Variants in OSBPL3 observed in about 807,000 individuals in gnomAD.
OSBPL3 encodes the protein oxysterol-binding protein-related protein 3.
A neutral mutation model predicts 120.1 loss-of-function variants in OSBPL3; 65 were observed. The observed-to-expected ratio is 0.54, with a 90% CI of 0.44 to 0.67. OSBPL3 has a LOEUF of 0.67. Ranked by LOEUF, OSBPL3 falls within the 30% of genes least tolerant of loss-of-function variation. The pLI, the probability that OSBPL3 is intolerant of heterozygous loss-of-function variation, is 0.00. For missense variants in OSBPL3, 1,004 were observed against 1,082.1 expected (o/e 0.93, Z 1.01); for synonymous variants, 416 against 402.6 (o/e 1.03, Z -0.40).
rs1394415545 is a variant in OSBPL3, at chr7:24,813,682, A to C, written c.2172+1377T>G. 6.6e-6 allele frequency among the ~76,000 whole-genome samples: 1 copy of C among 152,180 alleles called. No homozygotes were observed. Among genetic ancestry groups the C allele is most frequent in the East Asian group, 1.9e-4 (1 of 5,194 alleles). On this transcript the variant is annotated intron_variant, in intron 19 of 22. Transcript: ENST00000313367. This position sits in a 1 kb window ranked among gnomAD's most constrained non-coding sequence, Gnocchi z 4.5. ...CCTATAGGTTACAGGTGGTGCAGAG[A>C]GGCATTGCATGAAGTTCCACAATAA...
chr7:24,878,768 C>T (rs1024235931), intron 2 of OSBPL3, among the ~76,000 whole-genome samples: 6 of 152,206 alleles, frequency 3.9e-5, no homozygotes, highest in African/African-American at 1.4e-4. Flanking sequence ...TGAGCTCTCA[C>T]TCAGTGCTTC....
chr7:24,920,417 T>C (rs1269939111), intron 1 of OSBPL3, among the ~76,000 whole-genome samples: 1 of 152,192 alleles, frequency 6.6e-6, no homozygotes, highest in African/African-American at 2.4e-5. Context: ...ATTCCATTTA[T>C]ATAAAATGTC....
chr7:24,850,823 T>C (rs1273701403), intron 11 of OSBPL3, among the ~76,000 whole-genome samples: 2 of 152,234 alleles, frequency 1.3e-5, no homozygotes, highest in East Asian at 1.9e-4. Flanking sequence ...AGCACCGACA[T>C]ACCCATTCTG....
At position 24,980,159 on chromosome 7, in the gene OSBPL3, T is replaced by A; in HGVS notation, c.-423A>T. ...CCACCAGCACGCGGCCAGTTCTGAGTACTTTGCCCAGAACTTCTCGGCGCG... is the reference window on the plus strand; with the variant it reads ...CCACCAGCACGCGGCCAGTTCTGAGAACTTTGCCCAGAACTTCTCGGCGCG... On this transcript the variant is annotated 5_prime_UTR_variant, in exon 1 of 23. Transcript: ENST00000313367. The A allele has an allele frequency of 3.7e-6, 2 of 536,700 alleles. No homozygotes were observed. The highest frequency in any genetic ancestry group is 4.8e-6 in the Non-Finnish European group (2 of 420,402). 33.2% of individuals were successfully genotyped at this position (536,700 alleles called of 1,614,324 possible).
rs1003282721 is a variant in OSBPL3, at chr7:24,803,522, C to T, written c.2567+793G>A. Among the ~76,000 whole-genome samples the T allele has an allele frequency of 6.6e-6, 1 of 152,110 alleles. No individual in the cohort carries two copies. The highest frequency in any genetic ancestry group is 1.5e-5 in the Non-Finnish European group (1 of 68,014). On this transcript the variant is annotated intron_variant, in intron 22 of 22. Transcript: ENST00000313367. This position sits in a 1 kb window ranked among gnomAD's most constrained non-coding sequence, Gnocchi z 4.2. ...ATTGGCTGGGCACGGTGGCTCTTAC[C>T]TGTACTTTGGGAGGCTGAGGCAGGT...
chr7:24,869,090 T>G (rs1399446191), intron 5 of OSBPL3, among the ~76,000 whole-genome samples: 1 of 152,152 alleles, frequency 6.6e-6, no homozygotes, highest in Non-Finnish European at 1.5e-5. Context: ...CTCAGATAAC[T>G]ACACTTACCT....
chr7:24,978,118 C>T (rs541504937), intron 1 of OSBPL3, among the ~76,000 whole-genome samples: 3 of 152,320 alleles, frequency 2.0e-5, no homozygotes, highest in Admixed American at 1.3e-4. Flanking sequence ...ACCTTGGCAA[C>T]ACAGGTTAAC....
intron 1 of OSBPL3, among the ~76,000 whole-genome samples, chr7:24,950,017 T>C (rs1333678860): frequency 6.6e-6 from 1 of 152,216 alleles, no homozygotes; most frequent in East Asian, 1.9e-4. Context: ...AGTCAACAGC[T>C]TGGAATTTGC....
intron 1 of OSBPL3, among the ~76,000 whole-genome samples, chr7:24,914,682 G>A (rs76250111): frequency 0.011 from 1,637 of 152,294 alleles, 37 homozygotes; most frequent in African/African-American, 0.037. Context: ...TTAAGTGTGT[G>A]AAGTCACATC....
In OSBPL3 at chr7:24,891,431, G is replaced by C. The variant is rs1478387042; in HGVS notation, c.96+946C>G. Among the ~76,000 whole-genome samples the C allele has an allele frequency of 6.6e-6, 1 of 152,214 alleles. No homozygotes were observed. The highest frequency in any genetic ancestry group is 2.4e-5 in the African/African-American group (1 of 41,454). ...GTGTCATAAACGTGTAGACGTGACT[G>C]AGGTGGGAGTTGCTTAATTGCTGCT... On this transcript the variant is annotated intron_variant, in intron 2 of 22. Transcript: ENST00000313367. This position sits in a 1 kb window ranked among gnomAD's most constrained non-coding sequence, Gnocchi z 4.1.
intron 16 of OSBPL3, among the ~76,000 whole-genome samples, chr7:24,825,892 T>C (rs1381542994): frequency 6.6e-6 from 1 of 152,256 alleles, no homozygotes; most frequent in Non-Finnish European, 1.5e-5. Context: ...TCAGCTTTTC[T>C]GACACTGTCA....
In OSBPL3 at chr7:24,949,263, C is replaced by T. The variant is rs1206997671; in HGVS notation, c.-150+30623G>A. Reference sequence around the variant, plus strand: ...CATACAGACCTACAGCATAGCTTCACAGTATTCATCACATACTGTGTTCCA... The same window carrying T: ...CATACAGACCTACAGCATAGCTTCATAGTATTCATCACATACTGTGTTCCA... On this transcript the variant is annotated intron_variant, in intron 1 of 22. Coordinates refer to ENST00000313367, the MANE Select transcript of OSBPL3 (RefSeq NM_015550.4). Among the ~76,000 whole-genome samples the T allele has an allele frequency of 2.6e-5, 4 of 152,102 alleles. No homozygotes were observed. In the East Asian group the frequency reaches 7.7e-4, roughly 29 times the overall value.
chr7:24,937,818 T>G lies in OSBPL3; in HGVS notation c.-150+42068A>C, dbSNP rs1812603610. Among the ~76,000 whole-genome samples, 1 of 152,226 alleles carries G rather than the reference T, an allele frequency of 6.6e-6. No individual in the cohort carries two copies. Among genetic ancestry groups the G allele is most frequent in the African/African-American group, 2.4e-5 (1 of 41,450 alleles). ...ATGTCTTTGCCCATACTTGGTGTAGTCAAACTATTTAATTTGAACAAATTT... is the reference window on the plus strand; with the variant it reads ...ATGTCTTTGCCCATACTTGGTGTAGGCAAACTATTTAATTTGAACAAATTT... On this transcript the variant is annotated intron_variant, in intron 1 of 22. Coordinates refer to ENST00000313367, the MANE Select transcript of OSBPL3 (RefSeq NM_015550.4). This position sits in a 1 kb window ranked among gnomAD's most constrained non-coding sequence, Gnocchi z 4.0.
chr7:24,861,474 A>C, intron 10 of OSBPL3, 139 bp downstream of exon 10: 1 of 551,780 alleles, frequency 1.8e-6, no homozygotes. Context: ...TAGGGAAATA[A>C]AATAAAGATT....
chr7:24,926,170 T>C (rs985673074), intron 1 of OSBPL3, among the ~76,000 whole-genome samples: 5 of 152,184 alleles, frequency 3.3e-5, no homozygotes, highest in South Asian at 2.1e-4. Flanking sequence ...CTGGCACCTA[T>C]AGAAGTAGTG....
At chr7:24,917,411 T>TTTGTAAC (rs1260202295) in intron 1 of OSBPL3, among the ~76,000 whole-genome samples, 45 of 137,592 alleles carry the variant, frequency 3.3e-4, no homozygotes, top group African/African-American at 1.2e-3. Context: ...CATATATATA[T>TTTGTAAC]ATATATATAT....
chr7:24,863,607 G>A lies in OSBPL3; in HGVS notation c.674-8C>T. ...CATGACAGTGCGCCAGGTCTGTGGG[G>A]GAAAAGAGGACAGTGCTCACAATGC... On this transcript the variant is annotated splice_region_variant and splice_polypyrimidine_tract_variant and intron_variant, in intron 7 of 22. Transcript: ENST00000313367. This position sits in a 1 kb window ranked among gnomAD's most constrained non-coding sequence, Gnocchi z 5.8. The A allele has an allele frequency of 6.3e-7, 1 of 1,586,116 alleles. No homozygotes were observed. Among genetic ancestry groups the A allele is most frequent in the Middle Eastern group, 1.7e-4 (1 of 5,994 alleles).
chr7:24,904,963 A>ATGTGTGTG (rs1562909652), intron 1 of OSBPL3, among the ~76,000 whole-genome samples: 2 of 84,500 alleles, frequency 2.4e-5, no homozygotes, highest in African/African-American at 8.9e-5. Flanking sequence ...GTGTGTGTGA[A>ATGTGTGTG]TAAAGTTAAG....
rs1183638163 is a variant in OSBPL3, at chr7:24,870,742, T to A, written c.371A>T (p.Tyr124Phe). Residue 124 changes from tyrosine to phenylalanine, a missense_variant, in exon 5 of 23, where the codon TAC becomes TTC. Transcript: ENST00000313367. ...CIDLDTEEHI[Y>F]HLKVKSEEVF... is the part of the protein sequence containing the mutation. ...GGGAAGCAGCCTCACCTTCAGATGG[T>A]AGATGTGCTCCTCGGTGTCAAGGTC... 1 of 1,597,972 alleles carries A rather than the reference T, an allele frequency of 6.3e-7. No homozygotes were observed. Among genetic ancestry groups the A allele is most frequent in the South Asian group, 1.1e-5 (1 of 90,782 alleles).
Sources: allele counts gnomAD v4.1 joint callset (sites outside exome capture counted in the v4.1 genomes callset), GRCh38; gene constraint gnomAD v4.1.1; non-coding constraint Gnocchi (gnomAD v3.1); transcripts MANE v1.5; gene names NCBI Gene and HGNC (gene_info 2026-07-23, HGNC 2026-07-21).